The following USP40 variants were observed in gnomAD, a reference collection of about 807,000 sequenced individuals.
The protein encoded by USP40 is ubiquitin carboxyl-terminal hydrolase 40.
In USP40, 143 loss-of-function variants were observed where a neutral mutation model predicts 166.2. That is an observed-to-expected ratio of 0.86 (90% confidence interval 0.75 to 0.99). The LOEUF (loss-of-function observed/expected upper bound fraction) is 0.99. Among genes scored for constraint, USP40 ranks in the 50% least tolerant of loss-of-function variants. USP40 has a pLI of 0.00. For missense variants in USP40, 1,444 were observed against 1,479.7 expected, an observed-to-expected ratio of 0.98 and a Z score of 0.40; for synonymous variants, 498 against 524.0, an observed-to-expected ratio of 0.95 and a Z score of 0.68.
At chr2:233,530,906 T>C (rs2068470584) in intron 11 of USP40, among the ~76,000 whole-genome samples, 1 of 152,236 alleles carries the variant, frequency 6.6e-6, no homozygotes, top group Non-Finnish European at 1.5e-5. Flanking sequence ...TATATCACTT[T>C]GCCCTAGTTT....
At chr2:233,499,812 G>GA (rs1248908949) in intron 22 of USP40, 67 bp downstream of exon 22, 908 of 1,422,238 alleles carry the variant, frequency 6.4e-4, no homozygotes, top group South Asian at 8.0e-4. Context: ...CAACCCTGGA[G>GA]AAAAAAAAAG....
intron 28 of USP40, 85 bp downstream of exon 28, chr2:233,488,154 A>G: frequency 8.8e-7 from 1 of 1,135,458 alleles, no homozygotes; most frequent in Non-Finnish European, 1.3e-6. Flanking sequence ...AAAAAATGCT[A>G]CACTATGAAG....
intron 4 of USP40, among the ~76,000 whole-genome samples, chr2:233,559,360 T>C (rs2071374923): frequency 6.6e-6 from 1 of 152,188 alleles, no homozygotes; most frequent in South Asian, 2.1e-4. Context: ...AATCAGAACA[T>C]GTGGATTCAA....
At chr2:233,553,146 T>C (rs2070739542) in intron 6 of USP40, among the ~76,000 whole-genome samples, 2 of 152,328 alleles carry the variant, frequency 1.3e-5, no homozygotes, top group South Asian at 2.1e-4. Context: ...TACATAGACA[T>C]AGATACATTT....
chr2:233,566,642 C>T (rs1028914461), intron 1 of USP40, 42 bp downstream of exon 1: 11 of 973,250 alleles, frequency 1.1e-5, no homozygotes, highest in Middle Eastern at 5.3e-4. Flanking sequence ...CCCTACGCTT[C>T]CCACGTCCCT....
At chr2:233,509,835 C>T (rs1197899570) in intron 21 of USP40, among the ~76,000 whole-genome samples, 24 of 117,856 alleles carry the variant, frequency 2.0e-4, no homozygotes, top group Non-Finnish European at 8.5e-5. Flanking sequence ...AGTTGAGACT[C>T]TCTAAAAAAA....
intron 12 of USP40, among the ~76,000 whole-genome samples, chr2:233,528,758 CCT>C (rs1195804454): frequency 6.6e-6 from 1 of 151,878 alleles, no homozygotes; most frequent in Non-Finnish European, 1.5e-5. Context: ...TCAAATACAC[CCT>C]GTCACATAAT....
chr2:233,549,557 G>A (rs896425837), intron 7 of USP40, among the ~76,000 whole-genome samples: 1 of 152,084 alleles, frequency 6.6e-6, no homozygotes, highest in African/African-American at 2.4e-5. Flanking sequence ...TGAGTCTGTT[G>A]TAGAAATTTT....
chr2:233,527,613 T>G (rs780291323), intron 12 of USP40, 35 bp from the exon 13 acceptor site: 1 of 1,524,948 alleles, frequency 6.6e-7, no homozygotes, highest in Non-Finnish European at 8.8e-7. Context: ...AAATACTGTG[T>G]TTTTATAACA....
intron 18 of USP40, chr2:233,512,931 C>T (rs2066935993): frequency 6.1e-6 from 1 of 164,372 alleles, no homozygotes; most frequent in Non-Finnish European, 1.3e-5. Flanking sequence ...AAATTACAAT[C>T]GTTCCATGAC....
intron 21 of USP40, among the ~76,000 whole-genome samples, chr2:233,509,667 C>T (rs1575258881): frequency 1.3e-5 from 2 of 151,560 alleles, no homozygotes; most frequent in East Asian, 1.9e-4. Flanking sequence ...ATGGAGAAAC[C>T]CCATCTCTAC....
rs1431755269 is a variant in USP40 at position 233,560,920 on chromosome 2, G to A, written c.268-996C>T. On this transcript the variant is annotated intron_variant, in intron 3 of 31. Transcript: ENST00000678225. ...TTTCCTTCACCAGAAGAAAGAATAA[G>A]CATAGTAAAGAGTGTTACATGTTTA... 7.6e-6 allele frequency: 5 copies of A among 658,722 alleles called. No individual in the cohort carries two copies. In the East Asian group the frequency reaches 8.2e-5, roughly 11 times the overall value. 40.8% of individuals were successfully genotyped at this position (658,722 alleles called of 1,614,324 possible).
At chr2:233,478,150 A>C (rs2064296695) in intron 31 of USP40, among the ~76,000 whole-genome samples, 1 of 152,270 alleles carries the variant, frequency 6.6e-6, no homozygotes, top group African/African-American at 2.4e-5. Flanking sequence ...TGGTGAATGA[A>C]GCTGCCTTGT....
At chr2:233,513,311 C>T (rs561824586) in intron 18 of USP40, among the ~76,000 whole-genome samples, 1 of 151,440 alleles carries the variant, frequency 6.6e-6, no homozygotes, top group Admixed American at 6.6e-5. Context: ...TCTTTGTGTA[C>T]TTTCTTCTCT....
chr2:233,552,304 A>G (rs2070651663), intron 6 of USP40, among the ~76,000 whole-genome samples: 1 of 152,112 alleles, frequency 6.6e-6, no homozygotes, highest in Non-Finnish European at 1.5e-5. Context: ...ATCTAAAAAA[A>G]CTGAGTAATT....
At position 233,510,069 on chromosome 2, in the gene USP40, C is replaced by CT. The variant is rs763111148; in HGVS notation, c.2592dup (p.Glu865ArgfsTer33). 2.3e-5 allele frequency: 37 copies of CT among 1,595,606 alleles called. No homozygotes were observed. Among genetic ancestry groups the CT allele is most frequent in the Non-Finnish European group, 2.7e-5 (32 of 1,170,078 alleles). ...CTTACATCTCTCACAGATATTGTTTCTTCTACTACGATTTCCATTTCTGTC... is the reference window on the plus strand; with the variant it reads ...CTTACATCTCTCACAGATATTGTTTCTTTCTACTACGATTTCCATTTCTGTC... On this transcript the variant is annotated frameshift_variant, in exon 21 of 32. Coordinates refer to ENST00000678225, the MANE Select transcript of USP40 (RefSeq NM_001365479.2). LOFTEE classifies it high-confidence loss of function.
chr2:233,547,588 C>T (rs550614614), intron 8 of USP40, among the ~76,000 whole-genome samples: 3 of 152,252 alleles, frequency 2.0e-5, no homozygotes, highest in East Asian at 1.9e-4. Flanking sequence ...CCTAACATTA[C>T]GGTTTGTGAC....
At chr2:233,529,814 C>CTTTTTCTTTTTCTTTTTTT (rs776660309) in intron 11 of USP40, among the ~76,000 whole-genome samples, 1 of 133,950 alleles carries the variant, frequency 7.5e-6, no homozygotes, top group African/African-American at 2.9e-5. Context: ...TTTTCTTTTT[C>CTTTTTCTTTTTCTTTTTTT]TTTTTTTTTT....
rs769233647 is a variant in USP40 at position 233,554,513 on chromosome 2, T to C, written c.560A>G (p.Asp187Gly). Residue 187 changes from aspartate (D) to glycine (G), a missense_variant, in exon 6 of 32, where the codon GAT (aspartate) becomes GGT (glycine). Transcript: ENST00000678225. ...TACATTTTTGACTGCTACTGTTAGATCTAAGAAGTCTTCCTGAAATAGACA... is the reference window on the plus strand; with the variant it reads ...TACATTTTTGACTGCTACTGTTAGACCTAAGAAGTCTTCCTGAAATAGACA... ...NVSERQEDFLDLTVAVKNVSG... is the reference protein window; with the variant it reads ...NVSERQEDFLGLTVAVKNVSG... 4.4e-5 allele frequency: 70 copies of C among 1,604,560 alleles called. No homozygotes were observed. Among genetic ancestry groups the C allele is most frequent in the Admixed American group, 6.9e-5 (4 of 57,596 alleles).
Sources: allele counts gnomAD v4.1 joint callset (sites outside exome capture counted in the v4.1 genomes callset), GRCh38; gene constraint gnomAD v4.1.1; transcripts MANE v1.5; gene names NCBI Gene and HGNC (gene_info 2026-07-23, HGNC 2026-07-21).